LRP6: variants seen among roughly 807,000 people sequenced by gnomAD.
The protein encoded by LRP6 is LDL receptor related protein 6.
Under a neutral mutation model 184.1 loss-of-function variants are expected in LRP6, and 43 were observed. The observed-to-expected ratio is 0.23, with a 90% CI of 0.18 to 0.30. The LOEUF is 0.30. LRP6 is among the 10% of genes least tolerant of loss of function. LRP6 has a pLI of 1.00. For synonymous variants in LRP6, 719 were observed against 684.9 expected, an observed-to-expected ratio of 1.05 and a Z score of -0.78; for missense variants, 1,571 against 2,005.3, an observed-to-expected ratio of 0.78 and a Z score of 4.14.
chr12:12,124,518 A>G, intron 22 of LRP6, 47 bp downstream of exon 22: 1 of 1,370,022 alleles, frequency 7.3e-7, no homozygotes, highest in Non-Finnish European at 1.0e-6. Flanking sequence ...CAACTGAAAC[A>G]CTTTCAATAA....
intron 15 of LRP6, among the ~76,000 whole-genome samples, chr12:12,141,782 G>A (rs1949937332): frequency 6.6e-6 from 1 of 152,088 alleles, no homozygotes; most frequent in Admixed American, 6.6e-5. Context: ...TCTGCAGGGA[G>A]GAAAAAAGTT....
intron 4 of LRP6, among the ~76,000 whole-genome samples, chr12:12,186,503 C>T (rs1863478616): frequency 1.3e-5 from 2 of 151,974 alleles, no homozygotes; most frequent in South Asian, 2.1e-4. Flanking sequence ...CTCAGCCTCC[C>T]AAGCGGCTGG....
At chr12:12,126,982 A>C in intron 19 of LRP6, 61 bp from the exon 20 acceptor site, 1 of 1,347,774 alleles carries the variant, frequency 7.4e-7, no homozygotes, top group Admixed American at 1.7e-5. Context: ...TCAAAATAGT[A>C]ATCAAAAGAG....
rs773759560 is a variant in LRP6, at chr12:12,183,947, T to C, written c.976+33A>G. On this transcript the variant is annotated intron_variant, in intron 5 of 22. Transcript: ENST00000261349. ...AAATCATGAAGAATTCCAATAGTTA[T>C]AAAATTTTTCATTTTGGATAATATC... The C allele has an allele frequency of 3.2e-5, 52 of 1,600,596 alleles. No individual in the cohort carries two copies. In the Middle Eastern group the frequency reaches 2.2e-3, roughly 67 times the overall value.
At chr12:12,199,140 A>C (rs1347639343) in intron 3 of LRP6, among the ~76,000 whole-genome samples, 1 of 152,178 alleles carries the variant, frequency 6.6e-6, no homozygotes, top group Non-Finnish European at 1.5e-5. Flanking sequence ...TTAAAAAAAA[A>C]AAAGGAGCAC....
chr12:12,247,742 A>G (rs144638585), intron 1 of LRP6, among the ~76,000 whole-genome samples: 271 of 152,314 alleles, frequency 1.8e-3, no homozygotes, highest in African/African-American at 6.4e-3. Context: ...TTTATCTACC[A>G]AACAGATACA....
intron 2 of LRP6, among the ~76,000 whole-genome samples, chr12:12,226,119 T>A (rs1026053999): frequency 2.0e-5 from 3 of 152,172 alleles, no homozygotes; most frequent in African/African-American, 7.2e-5. Context: ...TGAAAAGAAC[T>A]GAGAAGCACT....
chr12:12,129,801 T>TTA (rs1949722227), intron 19 of LRP6, among the ~76,000 whole-genome samples: 1 of 152,076 alleles, frequency 6.6e-6, no homozygotes, highest in Non-Finnish European at 1.5e-5. Flanking sequence ...CTGCCCACAT[T>TTA]GGCCTCCCAA....
intron 20 of LRP6, 134 bp from the exon 21 acceptor site, chr12:12,125,566 C>A: frequency 1.2e-6 from 1 of 804,916 alleles, no homozygotes. Context: ...CACTCTTTTC[C>A]TATAATTGAA....
chr12:12,261,868 TG>T (rs1460738941), intron 1 of LRP6, among the ~76,000 whole-genome samples: 1 of 152,174 alleles, frequency 6.6e-6, no homozygotes, highest in Non-Finnish European at 1.5e-5. Flanking sequence ...AAAACATTAG[TG>T]GTTTGTTCCA....
intron 5 of LRP6, 28 bp downstream of exon 5, chr12:12,183,952 T>A (rs761142389): frequency 2.1e-5 from 34 of 1,606,148 alleles, no homozygotes; most frequent in Non-Finnish European, 2.2e-5. Flanking sequence ...AGTTATAAAA[T>A]TTTTCATTTT....
At position 12,195,181 on chromosome 12, in the gene LRP6, G is replaced by A. The variant is rs61920851; in HGVS notation, c.647+8022C>T. Among the ~76,000 whole-genome samples, 82 of 152,094 alleles carry A rather than the reference G, an allele frequency of 5.4e-4. 1 individual carries two copies. The highest frequency in any genetic ancestry group is 1.0e-3 in the South Asian group (5 of 4,820). ...ACAAACATAGGGGTGCAGATGTCTCGATACACTGATTTCCTTTCCTTTGGG... is the reference window on the plus strand; with the variant it reads ...ACAAACATAGGGGTGCAGATGTCTCAATACACTGATTTCCTTTCCTTTGGG... On this transcript the variant is annotated intron_variant, in intron 3 of 22. Coordinates refer to ENST00000261349, the MANE Select transcript of LRP6 (RefSeq NM_002336.3).
Position 12,159,859 on chromosome 12 carries a change from G to A in LRP6, c.2385C>T (p.Gly795=). Reference sequence around the variant, plus strand: ...TCCTTTTAGCATAATCAATAGTTAGGCCGTTTGCCCGCCCCACATTTGGAA... The same window carrying A: ...TCCTTTTAGCATAATCAATAGTTAGACCGTTTGCCCGCCCCACATTTGGAA... ...TLVPNVGRAN[G]LTIDYAKRRL... The change falls in exon 11 of 23, where the codon GGC becomes GGT. Residue 795 remains glycine, a synonymous_variant. Coordinates refer to ENST00000261349, the MANE Select transcript of LRP6 (RefSeq NM_002336.3). The A allele has an allele frequency of 6.2e-7, 1 of 1,614,062 alleles. No individual in the cohort carries two copies. Among genetic ancestry groups the A allele is most frequent in the Non-Finnish European group, 8.5e-7 (1 of 1,179,976 alleles).
intron 2 of LRP6, among the ~76,000 whole-genome samples, chr12:12,219,548 T>G (rs943007544): frequency 1.3e-5 from 2 of 152,138 alleles, no homozygotes; most frequent in African/African-American, 4.8e-5. Context: ...CATTCATTTT[T>G]CAACATTAGA....
In LRP6 at chr12:12,133,140, G is replaced by A. The variant is rs188936159; in HGVS notation, c.3734-1083C>T. The stretch of plus-strand genomic sequence containing the variant: ...ATTAAAGTAGATAAAATATATCCAC[G>A]TCCTTAAAGCAGTTTGAATTTGGTT... On this transcript the variant is annotated intron_variant, in intron 17 of 22. Transcript: ENST00000261349. Among the ~76,000 whole-genome samples, 285 of 152,242 alleles carry A rather than the reference G, an allele frequency of 1.9e-3. 2 individuals carry two copies. The highest frequency in any genetic ancestry group is 0.017 in the Middle Eastern group (5 of 294).
chr12:12,193,700 G>A (rs1863677324), intron 3 of LRP6, among the ~76,000 whole-genome samples: 1 of 151,914 alleles, frequency 6.6e-6, no homozygotes. Flanking sequence ...CAGAAAATCT[G>A]ATAGATCTAC....
chr12:12,216,669 A>G (rs1864355194), intron 2 of LRP6, among the ~76,000 whole-genome samples: 1 of 151,418 alleles, frequency 6.6e-6, no homozygotes, highest in African/African-American at 2.4e-5. Flanking sequence ...AAAAAAAAAA[A>G]AGAAAAGAAA....
chr12:12,233,527 T>C (rs1864845974), intron 2 of LRP6, among the ~76,000 whole-genome samples: 1 of 152,172 alleles, frequency 6.6e-6, no homozygotes, highest in African/African-American at 2.4e-5. Context: ...ATAGGACAGC[T>C]GACCCAGTCT....
intron 19 of LRP6, among the ~76,000 whole-genome samples, chr12:12,129,161 T>A (rs1022775844): frequency 2.0e-5 from 3 of 152,216 alleles, no homozygotes; most frequent in African/African-American, 7.2e-5. Flanking sequence ...GTATTCCTCT[T>A]GATGCGATCA....
Sources: gnomAD v4.1 joint callset for allele counts (sites outside exome capture counted in the v4.1 genomes callset) on GRCh38, gnomAD v4.1.1 for gene constraint, MANE v1.5 for transcripts, NCBI Gene and HGNC (gene_info 2026-07-23, HGNC 2026-07-21) for gene names.